Variants in DAB1 observed in about 807,000 individuals in gnomAD.
The protein encoded by DAB1 is DAB adaptor protein 1.
A neutral mutation model predicts 64.6 loss-of-function variants in DAB1; 15 were observed. The ratio of observed to expected loss-of-function variants is 0.23; its 90% CI spans 0.16 to 0.36. The LOEUF (loss-of-function observed/expected upper bound fraction) is 0.36. Among genes scored for constraint, DAB1 ranks in the 10% least tolerant of loss-of-function variants. The pLI, the probability that DAB1 is intolerant of heterozygous loss-of-function variation, is 1.00. For missense variants in DAB1, 596 were observed against 706.7 expected, an observed-to-expected ratio of 0.84 and a Z score of 1.78; for synonymous variants, 235 against 251.9, an observed-to-expected ratio of 0.93 and a Z score of 0.64.
chr1:57,565,957 A>T (rs1374991906), intron 7 of DAB1, among the ~76,000 whole-genome samples: 1 of 152,240 alleles, frequency 6.6e-6, no homozygotes, highest in Non-Finnish European at 1.5e-5. Context: ...CTCCACCCCA[A>T]ATCAACAGAA....
chr1:58,510,029 T>G (rs1043535656), intron 2 of DAB1, among the ~76,000 whole-genome samples: 1 of 152,110 alleles, frequency 6.6e-6, no homozygotes, highest in African/African-American at 2.4e-5. Context: ...CAGAACCAGA[T>G]GACCTCACTG....
intron 3 of DAB1, among the ~76,000 whole-genome samples, chr1:58,384,892 G>A (rs939236527): frequency 6.6e-6 from 1 of 152,224 alleles, no homozygotes; most frequent in African/African-American, 2.4e-5. Flanking sequence ...TCGCCTAACT[G>A]GCAGCTGATT....
At chr1:58,520,489 T>C (rs1646245142) in intron 2 of DAB1, among the ~76,000 whole-genome samples, 2 of 152,040 alleles carry the variant, frequency 1.3e-5, no homozygotes, top group African/African-American at 4.8e-5. Context: ...ATATAAATAA[T>C]TACAAATAAG....
upstream of DAB1, chr1:57,424,142 C>A (rs1169960570): frequency 6.7e-6 from 1 of 149,264 alleles, no homozygotes; most frequent in South Asian, 1.8e-4. Flanking sequence ...CTCCCGCGGC[C>A]CCCCGCCCCG....
intron 7 of DAB1, among the ~76,000 whole-genome samples, chr1:57,439,422 T>TTTTTTTTTTG (rs1558381306): frequency 8.3e-6 from 1 of 120,768 alleles, no homozygotes; most frequent in Non-Finnish European, 1.7e-5. Context: ...GATGAGGTTT[T>TTTTTTTTTTG]TTCTTTTTTT....
At chr1:57,207,215 C>T (rs1475835395) in intron 2 of DAB1, among the ~76,000 whole-genome samples, 2 of 151,342 alleles carry the variant, frequency 1.3e-5, no homozygotes, top group Admixed American at 6.6e-5. Flanking sequence ...GTGATCCACC[C>T]GCCTCAGCCT....
At chr1:57,046,710 C>A (rs1648544321) in intron 9 of DAB1, among the ~76,000 whole-genome samples, 1 of 152,202 alleles carries the variant, frequency 6.6e-6, no homozygotes, top group Non-Finnish European at 1.5e-5. Flanking sequence ...ACCCCTGAAT[C>A]ACATTTTCTC....
intron 5 of DAB1, among the ~76,000 whole-genome samples, chr1:57,951,670 A>G (rs193239495): frequency 9.2e-5 from 14 of 152,204 alleles, no homozygotes; most frequent in Non-Finnish European, 1.6e-4. Context: ...TGATAGATTG[A>G]GGTAACGCTC....
At chr1:57,329,188 C>T (rs1009736764) in intron 1 of DAB1, among the ~76,000 whole-genome samples, 1 of 152,184 alleles carries the variant, frequency 6.6e-6, no homozygotes, top group African/African-American at 2.4e-5. Context: ...AGGGATTTGG[C>T]TTAGCAGGCC....
chr1:58,113,862 TC>T (rs1652141069), intron 5 of DAB1, among the ~76,000 whole-genome samples: 1 of 151,574 alleles, frequency 6.6e-6, no homozygotes, highest in African/African-American at 2.4e-5. Flanking sequence ...TTATTTAATC[TC>T]CCAAGCATTA....
intron 4 of DAB1, among the ~76,000 whole-genome samples, chr1:58,151,698 GT>G (rs1654947335): frequency 6.6e-6 from 1 of 152,150 alleles, no homozygotes; most frequent in South Asian, 2.1e-4. Context: ...TCAGCAAACG[GT>G]TCCTGAATGC....
At chr1:57,280,803 T>A (rs1671827785) in intron 2 of DAB1, among the ~76,000 whole-genome samples, 1 of 152,192 alleles carries the variant, frequency 6.6e-6, no homozygotes, top group African/African-American at 2.4e-5. Flanking sequence ...AGCCAACTCT[T>A]AGGGGAGATT....
intron 6 of DAB1, among the ~76,000 whole-genome samples, chr1:57,742,817 A>G (rs1284868863): frequency 6.6e-6 from 1 of 152,128 alleles, no homozygotes; most frequent in Non-Finnish European, 1.5e-5. Flanking sequence ...AGCCAGGGCA[A>G]CCCAGGATGG....
chr1:57,561,168 G>C (rs930398437), intron 7 of DAB1, among the ~76,000 whole-genome samples: 1 of 152,148 alleles, frequency 6.6e-6, no homozygotes, highest in Non-Finnish European at 1.5e-5. Context: ...TGAACTCATG[G>C]GGAGTTCCCT....
At chr1:57,681,587 A>C (rs968413639) in intron 6 of DAB1, among the ~76,000 whole-genome samples, 8 of 152,196 alleles carry the variant, frequency 5.3e-5, no homozygotes, top group Non-Finnish European at 1.0e-4. Context: ...ACTTGGTACC[A>C]AATGGGAGAA....
At chr1:57,453,264 C>T (rs1024151942) in intron 7 of DAB1, among the ~76,000 whole-genome samples, 1 of 152,164 alleles carries the variant, frequency 6.6e-6, no homozygotes, top group African/African-American at 2.4e-5. Flanking sequence ...AGTTCCACCA[C>T]TCGAATTACA....
At chr1:57,533,330 G>C (rs1272635649) in intron 7 of DAB1, among the ~76,000 whole-genome samples, 1 of 150,080 alleles carries the variant, frequency 6.7e-6, no homozygotes, top group African/African-American at 2.5e-5. Flanking sequence ...TTCTTATACA[G>C]AACCTATGCT....
intron 5 of DAB1, among the ~76,000 whole-genome samples, chr1:58,006,848 T>C (rs754602372): frequency 3.0e-4 from 46 of 152,358 alleles, no homozygotes; most frequent in Non-Finnish European, 6.2e-4. Context: ...CAGTGAATAG[T>C]TGCTCTTGTG....
At position 57,053,438 on chromosome 1, in the gene DAB1, G is replaced by A. The variant is rs558532448; in HGVS notation, c.723+9446C>T. Among the ~76,000 whole-genome samples, 34 of 151,762 alleles carry A rather than the reference G, an allele frequency of 2.2e-4. No homozygotes were observed. The East Asian group carries it at 6.6e-3, about 30-fold the overall frequency. On this transcript the variant is annotated intron_variant, in intron 9 of 14. Coordinates refer to ENST00000371236, the MANE Select transcript of DAB1 (RefSeq NM_001365792.1). ...AATTGTTTTATTTTTTGTAGAGATG[G>A]GGTATTGCTATGTTGCCCAGGTTGG...
Sources: allele counts gnomAD v4.1 joint callset (sites outside exome capture counted in the v4.1 genomes callset), GRCh38; gene constraint gnomAD v4.1.1; transcripts MANE v1.5; gene names NCBI Gene and HGNC (gene_info 2026-07-23, HGNC 2026-07-21).